Variants in SDHC observed in about 807,000 individuals in gnomAD.
SDHC encodes succinate dehydrogenase complex subunit C.
A neutral mutation model predicts 22.6 loss-of-function variants in SDHC; 11 were observed. The observed-to-expected ratio is 0.49, with a 90% CI of 0.31 to 0.81. The LOEUF (loss-of-function observed/expected upper bound fraction) is 0.81, where lower values mean the gene tolerates loss of function less well. SDHC is among the 30% of genes least tolerant of loss of function. The probability of loss-of-function intolerance (pLI) is 0.05; values close to 1 mark genes in which losing one functional copy is unlikely to be tolerated. For missense variants in SDHC, 160 were observed against 212.0 expected, an observed-to-expected ratio of 0.75 and a Z score of 1.52; for synonymous variants, 80 against 77.8, an observed-to-expected ratio of 1.03 and a Z score of -0.15.
intron 3 of SDHC, 41 bp from the exon 4 acceptor site, chr1:161,340,553 T>C (rs766510097): frequency 1.3e-6 from 2 of 1,564,314 alleles, no homozygotes; most frequent in South Asian, 2.2e-5. Context: ...TATGGTGTCA[T>C]CTTTTCCTTT....
intron 3 of SDHC, among the ~76,000 whole-genome samples, chr1:161,333,325 T>C (rs893435853): frequency 2.0e-5 from 3 of 152,220 alleles, no homozygotes; most frequent in Non-Finnish European, 4.4e-5. Context: ...AGTTTTTGTG[T>C]GCACATATGT....
intron 3 of SDHC, among the ~76,000 whole-genome samples, chr1:161,331,448 T>A (rs1188189796): frequency 6.6e-6 from 1 of 152,016 alleles, no homozygotes; most frequent in Non-Finnish European, 1.5e-5. Flanking sequence ...TGTATTTTTT[T>A]ATAGACATGG....
chr1:161,349,570 A>G (rs1672033301), intron 4 of SDHC, among the ~76,000 whole-genome samples: 1 of 152,258 alleles, frequency 6.6e-6, no homozygotes, highest in Non-Finnish European at 1.5e-5. Context: ...CCTGCTGCTC[A>G]GGCAGGTAGC....
At chr1:161,328,307 T>G in intron 2 of SDHC, 89 bp from the exon 3 acceptor site, 1 of 1,091,038 alleles carries the variant, frequency 9.2e-7, no homozygotes, top group Non-Finnish European at 1.4e-6. Context: ...TGGCTTGGTA[T>G]TGCAAAATAT....
At chr1:161,352,568 T>C (rs1672131528) in intron 4 of SDHC, among the ~76,000 whole-genome samples, 2 of 152,246 alleles carry the variant, frequency 1.3e-5, no homozygotes, top group African/African-American at 4.8e-5. Context: ...TTTATGTTTT[T>C]TGTTTAAGGA....
chr1:161,323,276 G>A (rs113764726), intron 1 of SDHC, among the ~76,000 whole-genome samples: 2,254 of 152,156 alleles, frequency 0.015, 53 homozygotes, highest in African/African-American at 0.052. Context: ...GGGATTACAG[G>A]TGTGAGCCAG....
chr1:161,344,477 A>G (rs1373828597), intron 4 of SDHC, among the ~76,000 whole-genome samples: 1 of 152,068 alleles, frequency 6.6e-6, no homozygotes, highest in Non-Finnish European at 1.5e-5. Context: ...AAAAAAGAAA[A>G]AAGTTGTTTT....
chr1:161,331,040 G>A (rs1257411858), intron 3 of SDHC, among the ~76,000 whole-genome samples: 1 of 149,520 alleles, frequency 6.7e-6, no homozygotes, highest in Non-Finnish European at 1.5e-5. Flanking sequence ...TCTCCTGCTT[G>A]TGTCATGGGA....
chr1:161,353,159 T>C (rs534690626), intron 4 of SDHC, among the ~76,000 whole-genome samples: 2 of 152,280 alleles, frequency 1.3e-5, no homozygotes, highest in Admixed American at 1.3e-4. Flanking sequence ...CATCCTAGTA[T>C]TTCCAAGAGT....
At chr1:161,358,155 G>A (rs1672354368) in intron 5 of SDHC, among the ~76,000 whole-genome samples, 1 of 148,532 alleles carries the variant, frequency 6.7e-6, no homozygotes, top group African/African-American at 2.5e-5. Context: ...TCCTGCCTTA[G>A]CCTCCCAAGT....
intron 1 of SDHC, among the ~76,000 whole-genome samples, chr1:161,322,382 A>G (rs1255426717): frequency 6.6e-6 from 1 of 152,154 alleles, no homozygotes; most frequent in East Asian, 1.9e-4. Flanking sequence ...TGGGGTCAGT[A>G]AAAATTTTTT....
chr1:161,332,617 G>A (rs1007947376), intron 3 of SDHC, among the ~76,000 whole-genome samples: 3 of 150,914 alleles, frequency 2.0e-5, no homozygotes, highest in African/African-American at 7.3e-5. Context: ...CACAATTTTA[G>A]AATATTTTCT....
intron 3 of SDHC, chr1:161,339,625 CT>C: frequency 1.6e-6 from 1 of 613,732 alleles, no homozygotes; most frequent in Admixed American, 5.7e-5. Flanking sequence ...TTTCTTTATT[CT>C]TTAATTTATT....
At chr1:161,317,244 G>A (rs1670651111) in intron 1 of SDHC, among the ~76,000 whole-genome samples, 2 of 151,872 alleles carry the variant, frequency 1.3e-5, no homozygotes, top group African/African-American at 4.8e-5. Context: ...TGGCCAGGCT[G>A]GTCTTAAATT....
At chr1:161,323,702 ATTT>A in intron 2 of SDHC, 32 bp downstream of exon 2, 4 of 1,308,894 alleles carry the variant, frequency 3.1e-6, no homozygotes, top group South Asian at 1.4e-5. Context: ...TTATTTATTT[ATTT>A]TTTTTTTTGA....
intron 1 of SDHC, among the ~76,000 whole-genome samples, chr1:161,323,377 C>T (rs1157502301): frequency 6.6e-6 from 1 of 152,140 alleles, no homozygotes; most frequent in Non-Finnish European, 1.5e-5. Context: ...ATTCTTTTGT[C>T]TTGCATTATT....
chr1:161,330,924 G>T (rs1316892631), intron 3 of SDHC, among the ~76,000 whole-genome samples: 1 of 151,648 alleles, frequency 6.6e-6, no homozygotes, highest in Non-Finnish European at 1.5e-5. Flanking sequence ...CTTGAACCTG[G>T]GTGGTGGAGG....
At chr1:161,337,515 C>T (rs527350064) in intron 3 of SDHC, among the ~76,000 whole-genome samples, 2 of 152,248 alleles carry the variant, frequency 1.3e-5, no homozygotes, top group South Asian at 2.1e-4. Flanking sequence ...CAAGTCCTGC[C>T]CAGGTTCAAG....
chr1:161,342,131 C>G (rs181703479), intron 4 of SDHC, among the ~76,000 whole-genome samples: 1 of 152,246 alleles, frequency 6.6e-6, no homozygotes, highest in East Asian at 1.9e-4. Context: ...GATGTGATTA[C>G]TAGTTTAGCT....
Sources: allele counts gnomAD v4.1 joint callset (sites outside exome capture counted in the v4.1 genomes callset), GRCh38; gene constraint gnomAD v4.1.1; transcripts MANE v1.5; gene names NCBI Gene and HGNC (gene_info 2026-07-23, HGNC 2026-07-21).